Variants in ATP2C2 observed in about 807,000 individuals in gnomAD.
The protein encoded by ATP2C2 is calcium-transporting ATPase type 2C member 2.
Under a neutral mutation model 110.8 loss-of-function variants are expected in ATP2C2, and 171 were observed. The ratio of observed to expected loss-of-function variants is 1.54; its 90% CI spans 1.36 to 1.75. ATP2C2 has a LOEUF of 1.75. ATP2C2 is among the 40% of genes most tolerant of loss of function. The pLI is 0.00. For missense variants in ATP2C2, 1,963 were observed against 1,235.0 expected (o/e 1.59, Z -8.84); for synonymous variants, 804 against 508.4 (o/e 1.58, Z -7.82).
At chr16:84,379,212 T>TA (rs1910431482) in intron 1 of ATP2C2, among the ~76,000 whole-genome samples, 1 of 151,186 alleles carries the variant, frequency 6.6e-6, no homozygotes, top group Non-Finnish European at 1.5e-5. Flanking sequence ...GATAGGGTCT[T>TA]ACTCTGCCAT....
rs763439832 is a variant in ATP2C2, at chr16:84,458,950, C to G, written c.2148-170C>G. On this transcript the variant is annotated intron_variant, in intron 21 of 26. Transcript: ENST00000262429. ...TGGCCGAGGGGCACCTGTTAGAACA[C>G]CACCGTCTCCTACAAATGTGTCCCC... Among the ~76,000 whole-genome samples the G allele has an allele frequency of 1.4e-4, 21 of 152,250 alleles. No homozygotes were observed. In the East Asian group the frequency reaches 1.7e-3, roughly 13 times the overall value.
At chr16:84,389,683 C>T (rs1223062517) in intron 1 of ATP2C2, among the ~76,000 whole-genome samples, 1 of 150,856 alleles carries the variant, frequency 6.6e-6, no homozygotes, top group Admixed American at 6.6e-5. Context: ...CTCCCTGGTG[C>T]TGGGCTCTGT....
intron 3 of ATP2C2, among the ~76,000 whole-genome samples, chr16:84,406,122 G>T (rs1397972719): frequency 6.6e-6 from 1 of 152,248 alleles, no homozygotes; most frequent in Non-Finnish European, 1.5e-5. Context: ...GAGCAGTGCA[G>T]CCAGGGAGCT....
chr16:84,390,488 G>T lies in ATP2C2; in HGVS notation c.100-8011G>T, dbSNP rs190702252. Reference sequence around the variant, plus strand: ...AGGGAGGCTGCGCTCACCGTCGCCCGCGTGGGTCTATCTGCAGCAGGCAAA... The same window carrying T: ...AGGGAGGCTGCGCTCACCGTCGCCCTCGTGGGTCTATCTGCAGCAGGCAAA... On this transcript the variant is annotated intron_variant, in intron 1 of 26. Transcript: ENST00000262429. Among the ~76,000 whole-genome samples the T allele has an allele frequency of 1.2e-4, 19 of 152,328 alleles. No individual in the cohort carries two copies. In the East Asian group the frequency reaches 3.7e-3, roughly 29 times the overall value.
At chr16:84,372,277 A>G (rs1019881473) in intron 1 of ATP2C2, among the ~76,000 whole-genome samples, 1 of 152,120 alleles carries the variant, frequency 6.6e-6, no homozygotes, top group Non-Finnish European at 1.5e-5. Flanking sequence ...TTTTTAAGAG[A>G]TTACACTCAG....
intron 1 of ATP2C2, among the ~76,000 whole-genome samples, chr16:84,397,656 A>C (rs1349359639): frequency 1.9e-5 from 1 of 52,814 alleles, no homozygotes; most frequent in Non-Finnish European, 3.4e-5. Context: ...CCTGGGTGAC[A>C]AAAAAAAAAA....
At chr16:84,458,733 T>G (rs990446146) in intron 21 of ATP2C2, among the ~76,000 whole-genome samples, 2 of 152,220 alleles carry the variant, frequency 1.3e-5, no homozygotes, top group African/African-American at 2.4e-5. Context: ...GACCTCATTT[T>G]TAGGCCGAAC....
intron 1 of ATP2C2, among the ~76,000 whole-genome samples, chr16:84,371,136 A>G (rs575263068): frequency 5.9e-5 from 9 of 152,220 alleles, no homozygotes; most frequent in Non-Finnish European, 1.3e-4. Context: ...AGGACCAGAC[A>G]GAGGACTGGT....
chr16:84,403,903 C>G (rs1365789616), intron 2 of ATP2C2, among the ~76,000 whole-genome samples: 2 of 152,154 alleles, frequency 1.3e-5, no homozygotes, highest in Non-Finnish European at 1.5e-5. Context: ...GTTGACAAGG[C>G]TGCTCTCGAA....
intron 1 of ATP2C2, among the ~76,000 whole-genome samples, chr16:84,384,866 A>G (rs559019129): frequency 3.3e-5 from 5 of 152,220 alleles, no homozygotes; most frequent in African/African-American, 1.2e-4. Context: ...CCTGGCCAAC[A>G]TGGTGAAACC....
chr16:84,460,765 C>T lies in ATP2C2; in HGVS notation c.2445C>T (p.Ile815=), dbSNP rs1322588982. The change falls in exon 24 of 27, where the codon ATC becomes ATT. Residue 815 remains isoleucine, a synonymous_variant. Coordinates refer to ENST00000262429, the MANE Select transcript of ATP2C2 (RefSeq NM_014861.4). ...TGAAGATCCTCATGTCCGCGGCCAT[C>T]ATCATCAGCGGGACCCTCTTTATCT... The part of the protein sequence containing the change: ...LILKILMSAA[I]IISGTLFIFW... 1.2e-6 allele frequency: 2 copies of T among 1,614,030 alleles called. No individual in the cohort carries two copies. The highest frequency in any genetic ancestry group is 2.2e-5 in the East Asian group (1 of 44,876).
At chr16:84,461,683 C>G (rs755659013) in intron 24 of ATP2C2, 31 bp from the exon 25 acceptor site, 16 of 1,595,294 alleles carry the variant, frequency 1.0e-5, no homozygotes, top group South Asian at 6.6e-5. Context: ...CTCTTCCCGC[C>G]TAACCTCTCA....
chr16:84,455,468 A>G (rs1027625675), intron 21 of ATP2C2, among the ~76,000 whole-genome samples: 7 of 152,208 alleles, frequency 4.6e-5, no homozygotes, highest in Non-Finnish European at 7.3e-5. Flanking sequence ...AAACACCCCC[A>G]TCGCTGACCA....
chr16:84,387,863 G>C (rs1373969208), intron 1 of ATP2C2, among the ~76,000 whole-genome samples: 1 of 151,842 alleles, frequency 6.6e-6, no homozygotes, highest in Non-Finnish European at 1.5e-5. Context: ...GAGGTGGTAG[G>C]ATTGCTTGAG....
intron 1 of ATP2C2, among the ~76,000 whole-genome samples, chr16:84,383,735 CTG>C (rs143797673): frequency 1.3e-4 from 18 of 137,612 alleles, no homozygotes; most frequent in African/African-American, 2.9e-4. Context: ...CTGAATACAT[CTG>C]TGTGTGTGTG....
intron 1 of ATP2C2, among the ~76,000 whole-genome samples, chr16:84,394,604 C>T (rs915207964): frequency 6.6e-6 from 1 of 152,056 alleles, no homozygotes; most frequent in South Asian, 2.1e-4. Flanking sequence ...AGCCAGAAGT[C>T]AAAACTCAAG....
At chr16:84,392,764 A>G (rs1904736901) in intron 1 of ATP2C2, among the ~76,000 whole-genome samples, 1 of 152,008 alleles carries the variant, frequency 6.6e-6, no homozygotes, top group Non-Finnish European at 1.5e-5. Context: ...CGCCCGGCCC[A>G]TTCTTGTGTT....
At position 84,459,292 on chromosome 16, in the gene ATP2C2, A is replaced by G. The variant is rs1207014101; in HGVS notation, c.2239A>G (p.Ile747Val). Residue 747 changes from isoleucine to valine, a missense_variant, in exon 23 of 27, where the codon ATC becomes GTC. Transcript: ENST00000262429. ...LSTSISALSL[I>V]TLSTVFNLPS... ...CAGGAGCATCTCCGCCCTGAGTCTC[A>G]TCACTCTGTCCACCGTGTTCAACCT... The G allele has an allele frequency of 6.2e-7, 1 of 1,614,184 alleles. No individual in the cohort carries two copies. The highest frequency in any genetic ancestry group is 8.5e-7 in the Non-Finnish European group (1 of 1,180,014).
At chr16:84,427,508 G>A (rs1907903849) in intron 11 of ATP2C2, among the ~76,000 whole-genome samples, 1 of 152,150 alleles carries the variant, frequency 6.6e-6, no homozygotes, top group African/African-American at 2.4e-5. Context: ...CCTAAGGTCA[G>A]GAGTTCTAGA....
Sources: gnomAD v4.1 joint callset for allele counts (sites outside exome capture counted in the v4.1 genomes callset) on GRCh38, gnomAD v4.1.1 for gene constraint, MANE v1.5 for transcripts, NCBI Gene and HGNC (gene_info 2026-07-23, HGNC 2026-07-21) for gene names.